Variants in ZHX3 observed in about 807,000 individuals in gnomAD.
The protein encoded by ZHX3 is zinc fingers and homeoboxes 3, also known as zinc fingers and homeoboxes protein 3.
ZHX3 carries 20 observed loss-of-function variants against 64.5 expected under a neutral mutation model. The observed-to-expected ratio is 0.31, with a 90% CI of 0.22 to 0.45. The LOEUF (loss-of-function observed/expected upper bound fraction) is 0.45, where lower values mean the gene tolerates loss of function less well. Ranked by LOEUF, ZHX3 falls within the 20% of genes least tolerant of loss-of-function variation. The pLI is 1.00. For synonymous variants in ZHX3, 423 were observed against 461.6 expected, an observed-to-expected ratio of 0.92 and a Z score of 1.07; for missense variants, 1,041 against 1,195.8, an observed-to-expected ratio of 0.87 and a Z score of 1.91.
chr20:41,244,814 T>G (rs2041593704), intron 2 of ZHX3, among the ~76,000 whole-genome samples: 1 of 152,184 alleles, frequency 6.6e-6, no homozygotes, highest in Non-Finnish European at 1.5e-5. Flanking sequence ...CTGATGTGTG[T>G]TGTGTCTGTG....
chr20:41,238,111 G>T (rs193088090), intron 2 of ZHX3, among the ~76,000 whole-genome samples: 14 of 152,282 alleles, frequency 9.2e-5, no homozygotes, highest in Non-Finnish European at 1.6e-4. Flanking sequence ...CCAAAAACCG[G>T]GGTCAATCAT....
chr20:41,276,432 T>C (rs1014426949), intron 1 of ZHX3, among the ~76,000 whole-genome samples: 1 of 152,150 alleles, frequency 6.6e-6, no homozygotes, highest in Admixed American at 6.6e-5. Context: ...ACTCTCAGTA[T>C]AGTCAAGGCT....
chr20:41,210,387 C>A (rs1219788551), intron 2 of ZHX3, among the ~76,000 whole-genome samples: 3 of 152,196 alleles, frequency 2.0e-5, no homozygotes, highest in Non-Finnish European at 4.4e-5. Flanking sequence ...GCTATAAAGA[C>A]ACATGCACAC....
At position 41,296,232 on chromosome 20, in the gene ZHX3, TAAAAAAAAAAAAAAAAA is replaced by T. The variant is rs57987896; in HGVS notation, c.-245+21260_-245+21276del. 1.0e-3 allele frequency among the ~76,000 whole-genome samples: 76 copies of T among 73,006 alleles called. 2 individuals carry two copies. The highest frequency in any genetic ancestry group is 2.3e-3 in the African/African-American group (49 of 21,324). The allele number at this position is 73,006 out of a possible 152,430, so 47.9% of individuals were successfully genotyped here. On this transcript the variant is annotated intron_variant, in intron 1 of 3. Coordinates refer to ENST00000683867, the MANE Select transcript of ZHX3 (RefSeq NM_001384317.1). The stretch of plus-strand genomic sequence containing the variant: ...TTCCCTTCTCCTCAAGTTCATAAAG[TAAAAAAAAAAAAAAAAA>T]AAAAAAAAAAAAAAAAAAAATACAT...
Position 41,232,799 on chromosome 20 carries a change from A to T in ZHX3, c.-150-27733T>A, listed in dbSNP as rs1203652834. Among the ~76,000 whole-genome samples, 1 of 151,846 alleles carries T rather than the reference A, an allele frequency of 6.6e-6. No individual in the cohort carries two copies. Among genetic ancestry groups the T allele is most frequent in the African/African-American group, 2.4e-5 (1 of 41,328 alleles). On this transcript the variant is annotated intron_variant, in intron 2 of 3. Coordinates refer to ENST00000683867, the MANE Select transcript of ZHX3 (RefSeq NM_001384317.1). This position sits in a 1 kb window ranked among gnomAD's most constrained non-coding sequence, Gnocchi z 5.0. ...ACGGGGTTTCACCGTGTTAGCCAGG[A>T]TAGTCTCGATCTCCTGACCTCGTGA...
intron 2 of ZHX3, among the ~76,000 whole-genome samples, chr20:41,246,642 GC>G (rs2041702868): frequency 6.6e-6 from 1 of 152,148 alleles, no homozygotes; most frequent in Admixed American, 6.5e-5. Context: ...GGAGGCTGAG[GC>G]AGGTGGAACA....
chr20:41,266,302 G>A (rs2042842855), intron 2 of ZHX3, among the ~76,000 whole-genome samples: 1 of 152,126 alleles, frequency 6.6e-6, no homozygotes. Context: ...AGTGTCACCA[G>A]GTAGTAGGTA....
At chr20:41,279,269 A>C (rs2043548740) in intron 1 of ZHX3, among the ~76,000 whole-genome samples, 1 of 152,098 alleles carries the variant, frequency 6.6e-6, no homozygotes, top group South Asian at 2.1e-4. Context: ...ATACTTTTAC[A>C]TCCTTGTTAG....
chr20:41,297,908 G>T (rs1182074820), intron 1 of ZHX3, among the ~76,000 whole-genome samples: 1 of 152,132 alleles, frequency 6.6e-6, no homozygotes, highest in African/African-American at 2.4e-5. Flanking sequence ...GCACTTACAA[G>T]GTCTAGAGTG....
intron 2 of ZHX3, among the ~76,000 whole-genome samples, chr20:41,207,779 A>G (rs1231392946): frequency 6.6e-6 from 1 of 152,228 alleles, no homozygotes; most frequent in Non-Finnish European, 1.5e-5. Flanking sequence ...ATCACAATTA[A>G]AAGAACTAGA....
intron 2 of ZHX3, among the ~76,000 whole-genome samples, chr20:41,266,899 C>T (rs1445340001): frequency 8.1e-6 from 1 of 123,342 alleles, no homozygotes; most frequent in East Asian, 2.9e-4. Context: ...GTTGTCCAGA[C>T]TGGAGTGCCG....
intron 2 of ZHX3, among the ~76,000 whole-genome samples, chr20:41,222,458 AAATT>A (rs1226942457): frequency 6.6e-6 from 1 of 152,190 alleles, no homozygotes; most frequent in African/African-American, 2.4e-5. Context: ...GTGTTGTAGG[AAATT>A]AATGGGTCAG....
chr20:41,272,766 T>C (rs1007721786), intron 1 of ZHX3, among the ~76,000 whole-genome samples: 4 of 152,232 alleles, frequency 2.6e-5, no homozygotes, highest in Non-Finnish European at 4.4e-5. Context: ...ATCTTGCTCA[T>C]CCATTCATTC....
At chr20:41,188,780 T>C (rs1286611684) in intron 3 of ZHX3, among the ~76,000 whole-genome samples, 1 of 152,204 alleles carries the variant, frequency 6.6e-6, no homozygotes, top group Non-Finnish European at 1.5e-5. Flanking sequence ...ATGAATAGTT[T>C]TGCAAATATT....
intron 3 of ZHX3, among the ~76,000 whole-genome samples, chr20:41,189,650 G>A (rs1368837932): frequency 2.6e-5 from 4 of 152,086 alleles, no homozygotes; most frequent in African/African-American, 7.2e-5. Context: ...TATTATTGGT[G>A]TATAGAAACT....
intron 2 of ZHX3, among the ~76,000 whole-genome samples, chr20:41,255,150 G>GAT (rs970106723): frequency 3.5e-4 from 53 of 151,398 alleles, no homozygotes; most frequent in Non-Finnish European, 1.2e-4. Flanking sequence ...TTGAAAAAAT[G>GAT]ATATATATAT....
rs775993917 is a variant in ZHX3, at chr20:41,306,758, T to C, written c.-245+10751A>G. On this transcript the variant is annotated intron_variant, in intron 1 of 3. Coordinates refer to ENST00000683867, the MANE Select transcript of ZHX3 (RefSeq NM_001384317.1). ...AACAAAAAGGAAATGCTATCTTCTG[T>C]GAACTATATATGTTGATTCCCAAGG... Among the ~76,000 whole-genome samples, 34 of 152,212 alleles carry C rather than the reference T, an allele frequency of 2.2e-4. 1 individual carries two copies. Among genetic ancestry groups the C allele is most frequent in the Non-Finnish European group, 4.3e-4 (29 of 68,040 alleles).
chr20:41,225,599 T>C (rs545466953), intron 2 of ZHX3, among the ~76,000 whole-genome samples: 162 of 152,312 alleles, frequency 1.1e-3, no homozygotes, highest in Non-Finnish European at 2.1e-3. Flanking sequence ...GCGATTCTCC[T>C]ACCTCAGCCT....
intron 2 of ZHX3, among the ~76,000 whole-genome samples, chr20:41,220,898 A>C (rs569564641): frequency 6.6e-6 from 1 of 151,802 alleles, no homozygotes; most frequent in African/African-American, 2.4e-5. Context: ...CATGTTGCCC[A>C]GGCTGATCTT....
Sources: allele counts gnomAD v4.1 joint callset (sites outside exome capture counted in the v4.1 genomes callset), GRCh38; gene constraint gnomAD v4.1.1; non-coding constraint Gnocchi (gnomAD v3.1); transcripts MANE v1.5; gene names NCBI Gene and HGNC (gene_info 2026-07-23, HGNC 2026-07-21).